The following SEMA4B variants were observed in gnomAD, a reference collection of about 807,000 sequenced individuals.
SEMA4B encodes semaphorin-4B.
SEMA4B carries 55 observed loss-of-function variants against 88.1 expected under a neutral mutation model. The observed-to-expected ratio is 0.62, with a 90% CI of 0.50 to 0.78. SEMA4B has a LOEUF of 0.78. SEMA4B is among the 30% of genes least tolerant of loss of function. The pLI, the probability that SEMA4B is intolerant of heterozygous loss-of-function variation, is 0.00. For missense variants in SEMA4B, 1,062 were observed against 1,111.9 expected, an observed-to-expected ratio of 0.96 and a Z score of 0.64; for synonymous variants, 525 against 473.6, an observed-to-expected ratio of 1.11 and a Z score of -1.41.
rs907573882 is a variant in SEMA4B, at chr15:90,214,070, G to A, written c.158-3369G>A. ...GTAAAGCTGAGCTTCGGCTGGGCGCGGTGGCTCAGGCCTATAATCCCAGCA... is the reference window on the plus strand; with the variant it reads ...GTAAAGCTGAGCTTCGGCTGGGCGCAGTGGCTCAGGCCTATAATCCCAGCA... On this transcript the variant is annotated intron_variant, in intron 1 of 13. Transcript: ENST00000411539. Among the ~76,000 whole-genome samples, 7 of 152,328 alleles carry A rather than the reference G, an allele frequency of 4.6e-5. 1 individual carries two copies. The highest frequency in any genetic ancestry group is 6.8e-3 in the Middle Eastern group (2 of 294).
At chr15:90,220,636 T>G (rs1961775567) in intron 4 of SEMA4B, among the ~76,000 whole-genome samples, 1 of 151,972 alleles carries the variant, frequency 6.6e-6, no homozygotes, top group South Asian at 2.1e-4. Flanking sequence ...CCCAGAGTGC[T>G]GGGATTACAG....
intron 1 of SEMA4B, among the ~76,000 whole-genome samples, chr15:90,190,662 C>T (rs1161026568): frequency 2.0e-5 from 3 of 152,190 alleles, no homozygotes; most frequent in African/African-American, 7.2e-5. Flanking sequence ...GAGGGAATAA[C>T]TCGATAGCAA....
At chr15:90,215,311 A>G (rs1961482728) in intron 1 of SEMA4B, among the ~76,000 whole-genome samples, 1 of 152,124 alleles carries the variant, frequency 6.6e-6, no homozygotes, top group African/African-American at 2.4e-5. Flanking sequence ...AGTAAAAAAG[A>G]AAAGAAAGCT....
chr15:90,218,546 G>A (rs1297328534), intron 3 of SEMA4B, among the ~76,000 whole-genome samples: 2 of 152,192 alleles, frequency 1.3e-5, no homozygotes, highest in African/African-American at 2.4e-5. Flanking sequence ...CCAGCACTTC[G>A]GGAGGCTGAG....
At position 90,225,081 on chromosome 15, in the gene SEMA4B, C is replaced by T. The variant is rs766086445; in HGVS notation, c.1308C>T (p.Arg436=). 6.2e-7 allele frequency: 1 copy of T among 1,613,868 alleles called. No homozygotes were observed. ...TGATGGACGGGCAGGTCCGAAGCCG[C>T]ATGCTGCTGCTGCAGCCCCAGGCTC... ...HFLMDGQVRS[R]MLLLQPQARY... is the part of the protein sequence containing the mutation. The change falls in exon 10 of 14, where the codon CGC becomes CGT. Residue 436 remains arginine, a synonymous_variant. Coordinates refer to ENST00000411539, the MANE Select transcript of SEMA4B (RefSeq NM_198925.4).
Position 90,185,018 on chromosome 15 carries a change from G to T in SEMA4B, c.-185G>T, listed in dbSNP as rs188251729. On this transcript the variant is annotated 5_prime_UTR_variant, in exon 1 of 15. Coordinates refer to the SEMA4B transcript ENST00000332496. ...GCCTGGCAAGGGGGACGAGTCAGTG[G>T]ACACTCCAGGAAGAGCGGCCCCGCG... 838 of 985,756 alleles carry T rather than the reference G, an allele frequency of 8.5e-4. 8 individuals are homozygous for T. In the African/African-American group the frequency reaches 0.013, roughly 15 times the overall value. The allele number at this position is 985,756 out of a possible 1,614,324, so 61.1% of individuals were successfully genotyped here.
chr15:90,225,571 G>T, intron 11 of SEMA4B, 90 bp from the exon 12 acceptor site: 4 of 1,437,454 alleles, frequency 2.8e-6, no homozygotes, highest in South Asian at 1.3e-5. Context: ...CCTCTTGGGG[G>T]TGGCTCTGGG....
At chr15:90,226,542 T>C (rs1209207137) in intron 12 of SEMA4B, among the ~76,000 whole-genome samples, 1 of 152,206 alleles carries the variant, frequency 6.6e-6, no homozygotes, top group Non-Finnish European at 1.5e-5. Flanking sequence ...GGTTTCACCA[T>C]GTTGGCCAGG....
intron 9 of SEMA4B, 142 bp downstream of exon 9, chr15:90,224,130 G>A: frequency 1.4e-6 from 1 of 725,580 alleles, no homozygotes; most frequent in South Asian, 1.9e-5. Context: ...TGGGGATATA[G>A]GCCCAGGCCT....
intron 1 of SEMA4B, among the ~76,000 whole-genome samples, chr15:90,186,575 T>C (rs1312305356): frequency 6.6e-6 from 1 of 151,634 alleles, no homozygotes; most frequent in Non-Finnish European, 1.5e-5. Context: ...CCAGCCGAGA[T>C]TGTGATTGCA....
chr15:90,217,061 CT>C (rs1393055792), intron 1 of SEMA4B: 1 of 165,906 alleles, frequency 6.0e-6, no homozygotes, highest in Non-Finnish European at 1.3e-5. Flanking sequence ...CCTTTCTTGC[CT>C]GTTTTTCTGG....
intron 1 of SEMA4B, among the ~76,000 whole-genome samples, chr15:90,189,171 G>A (rs543799856): frequency 5.9e-5 from 9 of 152,170 alleles, no homozygotes; most frequent in African/African-American, 1.9e-4. Context: ...GAAGAAAAGG[G>A]AAGGAAGGGA....
At chr15:90,189,861 G>T (rs1412886907) in intron 1 of SEMA4B, among the ~76,000 whole-genome samples, 2 of 152,200 alleles carry the variant, frequency 1.3e-5, no homozygotes, top group East Asian at 3.8e-4. Flanking sequence ...GGTGAAGGGG[G>T]TCCCTGCTCT....
upstream of SEMA4B, among the ~76,000 whole-genome samples, chr15:90,200,226 C>T (rs1336759843): frequency 6.6e-6 from 1 of 152,102 alleles, no homozygotes; most frequent in Non-Finnish European, 1.5e-5. Flanking sequence ...AAAAGAGGTG[C>T]TCTGAGGAGG....
In SEMA4B at chr15:90,215,296, TAAC is replaced by T. The variant is rs531314295; in HGVS notation, c.158-2140_158-2138del. ...TGCTTATTAGAGAATCTAAAAATGATAACAAGTAAAAAAGAAAAGAAAGCTACC... is the reference window on the plus strand; with the variant it reads ...TGCTTATTAGAGAATCTAAAAATGATAAGTAAAAAAGAAAAGAAAGCTACC... On this transcript the variant is annotated intron_variant, in intron 1 of 13. Coordinates refer to ENST00000411539, the MANE Select transcript of SEMA4B (RefSeq NM_198925.4). 6.6e-5 allele frequency among the ~76,000 whole-genome samples: 10 copies of T among 152,042 alleles called. No homozygotes were observed. The East Asian group carries it at 1.3e-3, about 21-fold the overall frequency.
At chr15:90,188,628 A>AAAAT (rs1277930860) in intron 1 of SEMA4B, among the ~76,000 whole-genome samples, 1 of 152,040 alleles carries the variant, frequency 6.6e-6, no homozygotes, top group Admixed American at 6.6e-5. Flanking sequence ...ACTCCGTCTC[A>AAAAT]AAATAAATAA....
At chr15:90,215,656 A>G (rs1961499280) in intron 1 of SEMA4B, among the ~76,000 whole-genome samples, 1 of 151,990 alleles carries the variant, frequency 6.6e-6, no homozygotes, top group Non-Finnish European at 1.5e-5. Flanking sequence ...TACTAAAAAT[A>G]CAAAAGTTAG....
intron 1 of SEMA4B, among the ~76,000 whole-genome samples, chr15:90,209,254 AAAG>A (rs1163188104): frequency 6.6e-6 from 1 of 152,156 alleles, no homozygotes; most frequent in Non-Finnish European, 1.5e-5. Flanking sequence ...GCTTGGTGGA[AAAG>A]AAGAGCACAA....
At chr15:90,224,397 A>G (rs1353026388) in intron 9 of SEMA4B, among the ~76,000 whole-genome samples, 1 of 152,216 alleles carries the variant, frequency 6.6e-6, no homozygotes, top group African/African-American at 2.4e-5. Context: ...AGACAAGGAT[A>G]TACGTGCCAA....
Sources: gnomAD v4.1 joint callset for allele counts (sites outside exome capture counted in the v4.1 genomes callset) on GRCh38, gnomAD v4.1.1 for gene constraint, MANE v1.5 for transcripts, NCBI Gene and HGNC (gene_info 2026-07-23, HGNC 2026-07-21) for gene names.